Variants in FAF1 observed in about 807,000 individuals in gnomAD.
FAF1 encodes the protein Fas associated factor 1, also known as FAS-associated factor 1.
FAF1 carries 25 observed loss-of-function variants against 92.5 expected under a neutral mutation model. That is an observed-to-expected ratio of 0.27 (90% CI 0.20 to 0.38). The LOEUF is 0.38. Ranked by LOEUF, FAF1 falls within the 10% of genes least tolerant of loss-of-function variation. FAF1 has a pLI of 1.00. For missense variants in FAF1, 636 were observed against 793.3 expected (o/e 0.80, Z 2.38); for synonymous variants, 234 against 273.2 (o/e 0.86, Z 1.42).
At chr1:50,476,607 G>A (rs1421442821) in intron 17 of FAF1, among the ~76,000 whole-genome samples, 1 of 152,094 alleles carries the variant, frequency 6.6e-6, no homozygotes, top group Admixed American at 6.5e-5. Flanking sequence ...AACCTTTTTT[G>A]TCTAGAACCC....
intron 18 of FAF1, among the ~76,000 whole-genome samples, chr1:50,455,969 G>C (rs1350666192): frequency 2.0e-5 from 3 of 152,142 alleles, no homozygotes; most frequent in Non-Finnish European, 4.4e-5. Context: ...CAGCTACTCA[G>C]GAGGCTGAGG....
chr1:50,453,269 C>T (rs1452702218), intron 18 of FAF1, among the ~76,000 whole-genome samples: 2 of 152,164 alleles, frequency 1.3e-5, no homozygotes, highest in Non-Finnish European at 2.9e-5. Flanking sequence ...TCCTCAGGCC[C>T]AGTGGGCTAG....
At chr1:50,950,058 C>G (rs1355928530) in intron 1 of FAF1, among the ~76,000 whole-genome samples, 2 of 151,830 alleles carry the variant, frequency 1.3e-5, no homozygotes, top group East Asian at 3.9e-4. Flanking sequence ...CCAAGCTGAT[C>G]TCAAACTCCT....
chr1:50,458,722 T>C (rs985421680), intron 18 of FAF1, among the ~76,000 whole-genome samples: 23 of 152,254 alleles, frequency 1.5e-4, no homozygotes, highest in Non-Finnish European at 3.2e-4. Context: ...TTCCTCTTTT[T>C]GCCATCAATT....
At chr1:50,942,640 G>C (rs1645142611) in intron 1 of FAF1, among the ~76,000 whole-genome samples, 1 of 152,048 alleles carries the variant, frequency 6.6e-6, no homozygotes, top group South Asian at 2.1e-4. Flanking sequence ...CTAACAACCT[G>C]GCCTGTTACA....
At chr1:50,534,665 T>C (rs149860746) in intron 15 of FAF1, among the ~76,000 whole-genome samples, 1 of 152,318 alleles carries the variant, frequency 6.6e-6, no homozygotes, top group Admixed American at 6.5e-5. Context: ...AAAGTGTCTA[T>C]TTACTGCCAT....
chr1:50,776,460 A>G (rs1044069265), intron 4 of FAF1, among the ~76,000 whole-genome samples: 6 of 152,160 alleles, frequency 3.9e-5, no homozygotes, highest in African/African-American at 1.4e-4. Context: ...AAAGTGTAAC[A>G]TTAACATACA....
At chr1:50,628,915 C>T (rs1001580863) in intron 8 of FAF1, among the ~76,000 whole-genome samples, 2 of 152,128 alleles carry the variant, frequency 1.3e-5, no homozygotes, top group African/African-American at 4.8e-5. Flanking sequence ...TTTGGGGGTT[C>T]AAATCCCACT....
rs199757307 is a variant in FAF1, at chr1:50,457,151, GAA to G, written c.1870-15630_1870-15629del. On this transcript the variant is annotated intron_variant, in intron 18 of 18. Coordinates refer to ENST00000396153, the MANE Select transcript of FAF1 (RefSeq NM_007051.3). ...TAAAGCCAATTAGAGGAGGGAAAGT[GAA>G]AAAAAAAAAAAAATGGAAATAGCAA... Among the ~76,000 whole-genome samples the G allele has an allele frequency of 3.8e-3, 490 of 128,080 alleles. 6 individuals are homozygous for G. The highest frequency in any genetic ancestry group is 0.013 in the African/African-American group (444 of 35,048). The allele number at this position is 128,080 out of a possible 152,430, so 84.0% of individuals were successfully genotyped here. A position where few individuals can be genotyped will look rare whatever the true frequency, so the allele number is the denominator to read the frequency against.
chr1:50,441,199 G>A lies in FAF1; in HGVS notation c.*241C>T, dbSNP rs1646162734. The A allele has an allele frequency of 7.3e-6, 3 of 408,902 alleles. No individual in the cohort carries two copies. The highest frequency in any genetic ancestry group is 1.3e-5 in the Non-Finnish European group (3 of 229,376). 25.3% of individuals were successfully genotyped at this position (408,902 alleles called of 1,614,324 possible). A position where few individuals can be genotyped will look rare whatever the true frequency, so the allele number is the denominator to read the frequency against. ...CGTCATTGAAGGAGGGTGAAGTGCAGGGGGTAGGGGAGGGTGGCAGAGTTG... is the reference window on the plus strand; with the variant it reads ...CGTCATTGAAGGAGGGTGAAGTGCAAGGGGTAGGGGAGGGTGGCAGAGTTG... On this transcript the variant is annotated 3_prime_UTR_variant, in exon 19 of 19. Coordinates refer to ENST00000396153, the MANE Select transcript of FAF1 (RefSeq NM_007051.3).
In FAF1 at chr1:50,784,639, C is replaced by G. The variant is rs1020430964; in HGVS notation, c.367+3361G>C. ...AAGTGATCTGCAGATTCAATGCAAT[C>G]TCTATCAAAAGCCCAATGGTATTTT... On this transcript the variant is annotated intron_variant, in intron 4 of 18. Coordinates refer to ENST00000396153, the MANE Select transcript of FAF1 (RefSeq NM_007051.3). Among the ~76,000 whole-genome samples the G allele has an allele frequency of 3.9e-5, 6 of 152,302 alleles. No individual in the cohort carries two copies. In the East Asian group the frequency reaches 7.7e-4, roughly 20 times the overall value.
At chr1:50,589,233 C>T (rs1327870056) in intron 9 of FAF1, among the ~76,000 whole-genome samples, 2 of 152,160 alleles carry the variant, frequency 1.3e-5, no homozygotes, top group Admixed American at 1.3e-4. Flanking sequence ...TTTTCAGGCA[C>T]ACATGCAGTA....
At chr1:50,554,390 T>TATATATAG in intron 13 of FAF1, among the ~76,000 whole-genome samples, 37 of 93,684 alleles carry the variant, frequency 3.9e-4, no homozygotes, top group African/African-American at 8.0e-4. Flanking sequence ...TATATATATA[T>TATATATAG]AGAGAGAGAG....
intron 6 of FAF1, among the ~76,000 whole-genome samples, chr1:50,706,244 A>G (rs1657669865): frequency 1.3e-5 from 2 of 152,356 alleles, no homozygotes; most frequent in South Asian, 4.1e-4. Context: ...ATGTATATTC[A>G]AAGACTCTGG....
At chr1:50,911,986 G>A (rs1042793171) in intron 1 of FAF1, among the ~76,000 whole-genome samples, 1 of 149,876 alleles carries the variant, frequency 6.7e-6, no homozygotes, top group South Asian at 2.1e-4. Flanking sequence ...ACAGTGAGCC[G>A]AGATCTCACC....
At chr1:50,823,119 T>C (rs1407054447) in intron 2 of FAF1, among the ~76,000 whole-genome samples, 2 of 152,126 alleles carry the variant, frequency 1.3e-5, no homozygotes, top group African/African-American at 4.8e-5. Flanking sequence ...TCCCGCAGTA[T>C]GCAAGGGAAG....
At chr1:50,776,459 C>T (rs1291955507) in intron 4 of FAF1, among the ~76,000 whole-genome samples, 2 of 151,984 alleles carry the variant, frequency 1.3e-5, no homozygotes, top group Admixed American at 6.6e-5. Context: ...TAAAGTGTAA[C>T]ATTAACATAC....
chr1:50,910,022 C>A (rs1227659794), intron 1 of FAF1, among the ~76,000 whole-genome samples: 2 of 152,102 alleles, frequency 1.3e-5, no homozygotes, highest in East Asian at 1.9e-4. Flanking sequence ...TTTTATCTAC[C>A]TTTGGTCTTT....
intron 8 of FAF1, among the ~76,000 whole-genome samples, chr1:50,654,036 G>A (rs1364472325): frequency 6.6e-6 from 1 of 152,134 alleles, no homozygotes; most frequent in African/African-American, 2.4e-5. Flanking sequence ...AATCCACAAA[G>A]CATGTTCCAA....
Sources: allele counts gnomAD v4.1 joint callset (sites outside exome capture counted in the v4.1 genomes callset), GRCh38; gene constraint gnomAD v4.1.1; transcripts MANE v1.5; gene names NCBI Gene and HGNC (gene_info 2026-07-23, HGNC 2026-07-21).